Variants in CUL4B observed in about 807,000 individuals in gnomAD.
The protein encoded by CUL4B is cullin-4B.
A neutral mutation model predicts 69.2 loss-of-function variants in CUL4B; 1 was observed. The ratio of observed to expected loss-of-function variants is 0.01; its 90% confidence interval spans 0.01 to 0.07. The LOEUF (loss-of-function observed/expected upper bound fraction) is 0.07. Ranked by LOEUF, CUL4B falls within the 10% of genes least tolerant of loss-of-function variation. The pLI is 1.00. For synonymous variants in CUL4B, 237 were observed against 223.2 expected, an observed-to-expected ratio of 1.06 and a Z score of -0.55; for missense variants, 328 against 638.8, an observed-to-expected ratio of 0.51 and a Z score of 5.24.
chrX:120,574,626 TG>T, exon 2 of CUL4B: 4 of 1,186,285 alleles, frequency 3.4e-6, no homozygotes, highest in Non-Finnish European at 4.6e-6. Flanking sequence ...ATCCGTCCTT[TG>T]GGTCTACGAT....
chrX:120,561,516 C>G, upstream of CUL4B: 1 of 215,846 alleles, frequency 4.6e-6, no homozygotes, highest in Admixed American at 6.0e-5. Context: ...CTTCGAGACA[C>G]CTTCGGAGCT....
Position 120,547,120 on chromosome X carries a change from GT to G in CUL4B, c.776+15del, listed in dbSNP as rs767675993. 8.9e-7 allele frequency: 1 copy of G among 1,126,394 alleles called. No homozygotes were observed. Among genetic ancestry groups the G allele is most frequent in the African/African-American group, 1.9e-5 (1 of 53,233 alleles). The allele number at this position is 1,126,394 out of a possible 1,213,427, so 92.8% of individuals were successfully genotyped here. A position where few individuals can be genotyped will look rare whatever the true frequency, so the allele number is the denominator to read the frequency against. On this transcript the variant is annotated intron_variant, in intron 3 of 19. Transcript: ENST00000371322. Reference sequence around the variant, plus strand: ...AAGACAAAACTATTCACGATTTTTTGTTTTAAAAAGGATATTCTCTGAATTG... The same window carrying G: ...AAGACAAAACTATTCACGATTTTTTGTTTAAAAAGGATATTCTCTGAATTG...
intron 10 of CUL4B, 88 bp from the exon 11 acceptor site, chrX:120,540,650 T>C: frequency 1.6e-6 from 1 of 629,877 alleles, no homozygotes; most frequent in Non-Finnish European, 2.4e-6. Flanking sequence ...GGCATATATA[T>C]TTAAAGATCT....
chrX:120,532,288 A>AT, intron 18 of CUL4B, 134 bp downstream of exon 18: 1 of 512,083 alleles, frequency 2.0e-6, no homozygotes, highest in South Asian at 3.2e-5. Flanking sequence ...ATCAGGAAAC[A>AT]TATTTAGCTG....
intron 3 of CUL4B, among the ~76,000 whole-genome samples, chrX:120,546,864 C>A (rs1924370021): frequency 8.9e-6 from 1 of 111,836 alleles, no homozygotes; most frequent in Admixed American, 9.5e-5. Context: ...TACTATTTCC[C>A]TTAGGAGATT....
At chrX:120,551,966 T>C (rs1288206840) in intron 2 of CUL4B, among the ~76,000 whole-genome samples, 2 of 111,714 alleles carry the variant, frequency 1.8e-5, no homozygotes, top group East Asian at 5.6e-4. Context: ...TAAGAAGGTG[T>C]TTGAGATAAG....
downstream of CUL4B, among the ~76,000 whole-genome samples, chrX:120,567,980 G>C (rs776960557): frequency 1.6e-3 from 183 of 111,912 alleles, 2 homozygotes; most frequent in African/African-American, 5.6e-3. Context: ...GGGCTGATAA[G>C]CACTTGTATT....
At chrX:120,529,356 AGG>A (rs1289813760) in intron 19 of CUL4B, among the ~76,000 whole-genome samples, 1 of 111,921 alleles carries the variant, frequency 8.9e-6, no homozygotes, top group Non-Finnish European at 1.9e-5. Context: ...TAATCCTACA[AGG>A]TAAGTACTAT....
chrX:120,530,330 G>A (rs963468885), intron 18 of CUL4B, 76 bp from the exon 19 acceptor site: 13 of 967,486 alleles, frequency 1.3e-5, no homozygotes, highest in Middle Eastern at 7.0e-4. Flanking sequence ...TGCATTTTAG[G>A]GACATGACAT....
In CUL4B at chrX:120,560,145, A is replaced by G. The variant is rs1556243058; in HGVS notation, c.494T>C (p.Val165Ala). Residue 165 changes from valine to alanine, a missense_variant, in exon 1 of 20, where the codon GTC (valine) becomes GCC (alanine). Physicochemically the swap from Val to Ala is moderately conservative, Grantham distance 64. This residue lies in a region of CUL4B where 102 missense variants were observed against 122.1 expected (regional missense o/e 0.84). Transcript: ENST00000371322. The stretch of plus-strand genomic sequence containing the variant: ...AGGTTTGCTGTTAGCAAAGCTAGAG[A>G]CGGTGGTAGAAGATTTGGCTAGGCC... ...ANGLAKSSTT[V>A]SSFANSKPGS... is the part of the protein sequence containing the mutation. 1 of 1,211,873 alleles carries G rather than the reference A, an allele frequency of 8.3e-7. No individual in the cohort carries two copies. Among genetic ancestry groups the G allele is most frequent in the East Asian group, 3.0e-5 (1 of 33,862 alleles).
intron 19 of CUL4B, 35 bp from the exon 20 acceptor site, chrX:120,526,891 A>G (rs1338412104): frequency 6.6e-6 from 6 of 906,052 alleles, no homozygotes; most frequent in African/African-American, 1.9e-5. Flanking sequence ...TGTAAAGTTC[A>G]TTATCATTGG....
chrX:120,538,560 T>C (rs1426738359), intron 13 of CUL4B, 100 bp downstream of exon 13: 15 of 603,514 alleles, frequency 2.5e-5, no homozygotes, highest in East Asian at 6.5e-5. Context: ...CATATATACA[T>C]AGACATGAGT....
upstream of CUL4B, chrX:120,560,979 T>G (rs1925264826): frequency 1.3e-6 from 1 of 749,853 alleles, no homozygotes; most frequent in Non-Finnish European, 1.6e-6. Flanking sequence ...CTGCAGCTCC[T>G]CCTCCTTTTC....
intron 1 of CUL4B, among the ~76,000 whole-genome samples, chrX:120,574,817 A>G (rs1220291399): frequency 8.9e-6 from 1 of 111,927 alleles, no homozygotes; most frequent in African/African-American, 3.2e-5. Flanking sequence ...TTTTAGTGCT[A>G]TTCTTTTACT....
chrX:120,540,702 T>C lies in CUL4B; in HGVS notation c.1444-140A>G, dbSNP rs5957407. On this transcript the variant is annotated intron_variant, in intron 10 of 19. Coordinates refer to ENST00000371322, the MANE Select transcript of CUL4B (RefSeq NM_001079872.2). ...AGCTATTTTTAAGATGGAATCTTGC[T>C]ATGTTGCCCAGGCTAGTCTGAAACT... The C allele has an allele frequency of 0.011, 5,515 of 496,687 alleles. 223 individuals carry two copies. In the African/African-American group the frequency reaches 0.12, roughly 11 times the overall value. 40.9% of individuals were successfully genotyped at this position (496,687 alleles called of 1,213,427 possible).
rs1171226661 is a variant in CUL4B, at chrX:120,525,315, G to A, written c.*1446C>T. On this transcript the variant is annotated 3_prime_UTR_variant, in exon 20 of 20. Transcript: ENST00000371322. The stretch of plus-strand genomic sequence containing the variant: ...TCTTCCTAACGGCTCCAACAGGCAA[G>A]GAAATATGCTGTGGCAAAAAGCATT... The A allele has an allele frequency of 9.0e-6, 1 of 111,311 alleles. No individual in the cohort carries two copies. Among genetic ancestry groups the A allele is most frequent in the Non-Finnish European group, 1.9e-5 (1 of 53,040 alleles). 9.2% of individuals were successfully genotyped at this position (111,311 alleles called of 1,213,427 possible).
chrX:120,566,369 A>ATATGTATATATATATATATATATATATG (rs1556253204), upstream of CUL4B, among the ~76,000 whole-genome samples: 19 of 56,465 alleles, frequency 3.4e-4, 2 homozygotes, highest in East Asian at 6.1e-3. Context: ...ATATATATAT[A>ATATGTATATATATATATATATATATATG]TATATATATA....
chrX:120,529,452 T>C (rs1172258955), intron 19 of CUL4B, among the ~76,000 whole-genome samples: 4 of 111,644 alleles, frequency 3.6e-5, no homozygotes, highest in Non-Finnish European at 7.5e-5. Context: ...AGAACCCTAA[T>C]AGCTAGCAGT....
At chrX:120,561,358 C>T, upstream of CUL4B, 2 of 566,262 alleles carry the variant, frequency 3.5e-6, no homozygotes, top group Non-Finnish European at 6.5e-6. Context: ...AGCTTCGCGC[C>T]GCAGCGCCCT....
Sources: gnomAD v4.1 joint callset for allele counts (sites outside exome capture counted in the v4.1 genomes callset) on GRCh38, gnomAD v4.1.1 for gene constraint, gnomAD v4.1.1 regional missense constraint, MANE v1.5 for transcripts, NCBI Gene and HGNC (gene_info 2026-07-23, HGNC 2026-07-21) for gene names.